SDK1: variants seen among roughly 807,000 people sequenced by gnomAD.
SDK1 encodes sidekick cell adhesion molecule 1.
In SDK1, 157 loss-of-function variants were observed where a neutral mutation model predicts 245.5. That is an observed-to-expected ratio of 0.64 (90% CI 0.56 to 0.73). The LOEUF (loss-of-function observed/expected upper bound fraction) is 0.73, where lower values mean the gene tolerates loss of function less well. Among genes scored for constraint, SDK1 ranks in the 30% least tolerant of loss-of-function variants. The pLI is 0.00. For missense variants in SDK1, 3,583 were observed against 3,002.3 expected (o/e 1.19, Z -4.52); for synonymous variants, 1,647 against 1,278.5 (o/e 1.29, Z -6.15).
intron 1 of SDK1, among the ~76,000 whole-genome samples, chr7:3,540,827 T>C (rs1372802579): frequency 6.6e-6 from 1 of 152,156 alleles, no homozygotes; most frequent in African/African-American, 2.4e-5. Context: ...ATAAAGGACT[T>C]TAAAGGAGTA....
intron 4 of SDK1, among the ~76,000 whole-genome samples, chr7:3,651,238 A>C (rs1783006139): frequency 6.6e-6 from 1 of 151,152 alleles, no homozygotes; most frequent in South Asian, 2.1e-4. Context: ...CCTCACTAGC[A>C]TTTGGTGTTG....
intron 4 of SDK1, among the ~76,000 whole-genome samples, chr7:3,804,928 A>C (rs1292311255): frequency 6.6e-6 from 1 of 152,220 alleles, no homozygotes; most frequent in Non-Finnish European, 1.5e-5. Flanking sequence ...AATTTTAGTT[A>C]GAAGGAATAA....
At chr7:3,414,382 C>T (rs1209204721) in intron 1 of SDK1, among the ~76,000 whole-genome samples, 1 of 152,072 alleles carries the variant, frequency 6.6e-6, no homozygotes, top group African/African-American at 2.4e-5. Context: ...ACCCTGACTT[C>T]TGTCATGGTG....
intron 5 of SDK1, among the ~76,000 whole-genome samples, chr7:3,849,206 G>A (rs925895700): frequency 2.0e-5 from 3 of 152,256 alleles, no homozygotes; most frequent in South Asian, 2.1e-4. Flanking sequence ...CCTGGAATGC[G>A]CTTGTACTAC....
chr7:3,866,925 C>T (rs1780836512), intron 5 of SDK1, among the ~76,000 whole-genome samples: 1 of 152,120 alleles, frequency 6.6e-6, no homozygotes, highest in Non-Finnish European at 1.5e-5. Flanking sequence ...CATCCACAGC[C>T]CTCAGCTCAG....
chr7:3,956,184 C>G (rs1781242585), intron 7 of SDK1, among the ~76,000 whole-genome samples: 1 of 152,214 alleles, frequency 6.6e-6, no homozygotes, highest in South Asian at 2.1e-4. Flanking sequence ...TTGCCACTGA[C>G]AGGCTAAGAC....
At chr7:3,620,206 C>T (rs765921038) in intron 2 of SDK1, among the ~76,000 whole-genome samples, 50 of 152,078 alleles carry the variant, frequency 3.3e-4, no homozygotes, top group Non-Finnish European at 5.7e-4. Context: ...TCCGTGGAAC[C>T]ACACTCAGCC....
intron 1 of SDK1, among the ~76,000 whole-genome samples, chr7:3,409,259 C>G (rs933343414): frequency 1.3e-5 from 2 of 151,544 alleles, no homozygotes; most frequent in African/African-American, 4.8e-5. Flanking sequence ...ATCGCCTCCC[C>G]TTTCCCTTAT....
chr7:3,576,301 C>G (rs1780288990), intron 1 of SDK1, among the ~76,000 whole-genome samples: 2 of 152,150 alleles, frequency 1.3e-5, no homozygotes, highest in Admixed American at 1.3e-4. Flanking sequence ...AGTGGCCACA[C>G]CCAGGTGAAA....
intron 1 of SDK1, among the ~76,000 whole-genome samples, chr7:3,559,263 G>C (rs956092846): frequency 6.6e-6 from 1 of 152,134 alleles, no homozygotes; most frequent in Non-Finnish European, 1.5e-5. Context: ...AGTCTGACTT[G>C]ATAGCACATC....
At chr7:3,826,452 G>T (rs996551566) in intron 5 of SDK1, among the ~76,000 whole-genome samples, 1 of 152,154 alleles carries the variant, frequency 6.6e-6, no homozygotes, top group African/African-American at 2.4e-5. Flanking sequence ...TCTTGGCGAC[G>T]TGGCTTCTAC....
chr7:4,040,686 C>T (rs1307873803), intron 17 of SDK1, among the ~76,000 whole-genome samples: 1 of 152,124 alleles, frequency 6.6e-6, no homozygotes, highest in African/African-American at 2.4e-5. Context: ...GCATAAGGCA[C>T]AAAAAACCAG....
chr7:3,964,496 T>C (rs888006911), intron 9 of SDK1, among the ~76,000 whole-genome samples: 1 of 152,228 alleles, frequency 6.6e-6, no homozygotes, highest in Admixed American at 6.5e-5. Context: ...ATTTTACTTT[T>C]ATTGAACAAT....
chr7:4,016,513 C>T (rs931461278), intron 16 of SDK1, among the ~76,000 whole-genome samples: 1 of 152,224 alleles, frequency 6.6e-6, no homozygotes, highest in South Asian at 2.1e-4. Flanking sequence ...AATTTATACA[C>T]CCTAAGTCCT....
intron 1 of SDK1, among the ~76,000 whole-genome samples, chr7:3,346,287 G>A (rs1409761155): frequency 6.6e-6 from 1 of 152,122 alleles, no homozygotes; most frequent in South Asian, 2.1e-4. Flanking sequence ...TTCGGTGGGT[G>A]GGGACCTTTC....
At chr7:4,034,741 C>T (rs10278187) in intron 17 of SDK1, among the ~76,000 whole-genome samples, 48,194 of 152,054 alleles carry the variant, frequency 0.32, 11,868 homozygotes, top group African/African-American at 0.69. Context: ...TGCAACACCA[C>T]TTGTTATAGC....
At chr7:3,434,691 A>C (rs941568637) in intron 1 of SDK1, among the ~76,000 whole-genome samples, 1 of 152,162 alleles carries the variant, frequency 6.6e-6, no homozygotes, top group African/African-American at 2.4e-5. Flanking sequence ...GGTTTTAACC[A>C]GTTCTCTCGA....
chr7:3,939,059 A>G (rs1293479161), intron 5 of SDK1, among the ~76,000 whole-genome samples: 2 of 152,240 alleles, frequency 1.3e-5, no homozygotes, highest in African/African-American at 4.8e-5. Flanking sequence ...CGTGAAAGAG[A>G]GAATTGGAAA....
chr7:4,044,370 A>G (rs1254661964), intron 17 of SDK1, among the ~76,000 whole-genome samples: 1 of 152,262 alleles, frequency 6.6e-6, no homozygotes. Context: ...AAGCAGTCTC[A>G]GAGCCTACAT....
Sources: allele counts gnomAD v4.1 joint callset (sites outside exome capture counted in the v4.1 genomes callset), GRCh38; gene constraint gnomAD v4.1.1; transcripts MANE v1.5; gene names NCBI Gene and HGNC (gene_info 2026-07-23, HGNC 2026-07-21).